The following RELN variants were observed in gnomAD, a reference collection of about 807,000 sequenced individuals.
RELN encodes reelin.
RELN carries 108 observed loss-of-function variants against 427.6 expected under a neutral mutation model. The observed-to-expected ratio is 0.25, with a 90% confidence interval of 0.22 to 0.30. The LOEUF is 0.30. Ranked by LOEUF, RELN falls within the 10% of genes least tolerant of loss-of-function variation. The pLI is 1.00. For missense variants in RELN, 3,715 were observed against 4,302.8 expected (o/e 0.86, Z 3.82); for synonymous variants, 1,524 against 1,513.4 (o/e 1.01, Z -0.16).
intron 2 of RELN, among the ~76,000 whole-genome samples, chr7:103,907,563 T>A (rs73183743): frequency 0.023 from 3,349 of 148,654 alleles, 63 homozygotes; most frequent in Admixed American, 0.047. Flanking sequence ...GAGAAGAGAA[T>A]AGAGAGTGAC....
intron 13 of RELN, 130 bp from the exon 14 acceptor site, chr7:103,652,889 GTGTTGCA>G: frequency 1.3e-6 from 1 of 781,458 alleles, no homozygotes; most frequent in East Asian, 2.6e-5. Context: ...CACGTCCTTT[GTGTTGCA>G]TTTGTTATTT....
At chr7:103,898,675 G>T (rs1417319862) in intron 2 of RELN, among the ~76,000 whole-genome samples, 1 of 151,930 alleles carries the variant, frequency 6.6e-6, no homozygotes, top group African/African-American at 2.4e-5. Context: ...ATTTTTATTA[G>T]CAGTAAGTTG....
intron 20 of RELN, among the ~76,000 whole-genome samples, chr7:103,624,596 T>A (rs1832288286): frequency 6.6e-6 from 1 of 152,042 alleles, no homozygotes; most frequent in African/African-American, 2.4e-5. Context: ...CCTGCTAACT[T>A]TTTGTATTTT....
intron 6 of RELN, among the ~76,000 whole-genome samples, chr7:103,736,869 G>A (rs1790506768): frequency 6.6e-6 from 1 of 152,086 alleles, no homozygotes; most frequent in Admixed American, 6.6e-5. Flanking sequence ...TTCTATTGTA[G>A]ATGAAGCTTT....
In RELN at chr7:103,982,476, A is replaced by G. The variant is rs78620789; in HGVS notation, c.226+6655T>C. 7.8e-3 allele frequency among the ~76,000 whole-genome samples: 1,185 copies of G among 152,288 alleles called. 17 individuals are homozygous for G. The highest frequency in any genetic ancestry group is 0.026 in the African/African-American group (1,097 of 41,532). The stretch of plus-strand genomic sequence containing the variant: ...CAGTAAGAAGAGAAAAAAGGTGTAG[A>G]GATGGCAATGGGGGAAACCTGAAGG... On this transcript the variant is annotated intron_variant, in intron 1 of 64. Coordinates refer to ENST00000428762, the MANE Select transcript of RELN (RefSeq NM_005045.4).
chr7:103,574,412 A>G lies in RELN; in HGVS notation c.4304-113T>C, dbSNP rs2907932. 1.5e-3 allele frequency: 1,347 copies of G among 869,102 alleles called. 9 individuals carry two copies. In the African/African-American group the frequency reaches 0.017, roughly 11 times the overall value. The allele number at this position is 869,102 out of a possible 1,614,324, so 53.8% of individuals were successfully genotyped here. ...CCATAGGGATTAACATTAGGGAGAGAGGCCACATGAAAATTTGTATCTCAC... is the reference window on the plus strand; with the variant it reads ...CCATAGGGATTAACATTAGGGAGAGGGGCCACATGAAAATTTGTATCTCAC... On this transcript the variant is annotated intron_variant, in intron 29 of 64. Coordinates refer to ENST00000428762, the MANE Select transcript of RELN (RefSeq NM_005045.4).
chr7:103,871,882 G>C (rs1288200773), intron 2 of RELN, among the ~76,000 whole-genome samples: 1 of 151,830 alleles, frequency 6.6e-6, no homozygotes, highest in Non-Finnish European at 1.5e-5. Flanking sequence ...AGACCTACCA[G>C]AGATTTTAAA....
intron 2 of RELN, among the ~76,000 whole-genome samples, chr7:103,849,758 A>G (rs773557083): frequency 6.6e-6 from 1 of 152,198 alleles, no homozygotes; most frequent in Non-Finnish European, 1.5e-5. Context: ...ATGGTTTTAC[A>G]TCTTAAAAAT....
intron 11 of RELN, among the ~76,000 whole-genome samples, chr7:103,672,819 C>T (rs11979780): frequency 0.034 from 5,154 of 152,150 alleles, 285 homozygotes; most frequent in African/African-American, 0.12. Context: ...TTTTGAATAA[C>T]AACTAATTTT....
intron 3 of RELN, among the ~76,000 whole-genome samples, chr7:103,819,492 T>C (rs1792964116): frequency 6.6e-6 from 1 of 152,046 alleles, no homozygotes; most frequent in African/African-American, 2.4e-5. Context: ...AAAAGCTCGA[T>C]TGAGAGTTAC....
At chr7:103,579,242 T>C (rs998274540) in intron 28 of RELN, among the ~76,000 whole-genome samples, 3 of 152,272 alleles carry the variant, frequency 2.0e-5, no homozygotes, top group East Asian at 3.9e-4. Flanking sequence ...TAGGAAGGTA[T>C]AGAAATAATT....
In RELN at chr7:103,652,820, C is replaced by A. The variant is rs1832950625; in HGVS notation, c.1555-61G>T. The A allele has an allele frequency of 2.0e-6, 3 of 1,504,648 alleles. No homozygotes were observed. The Admixed American group carries it at 5.1e-5, about 25-fold the overall frequency. The allele number at this position is 1,504,648 out of a possible 1,614,324, so 93.2% of individuals were successfully genotyped here. On this transcript the variant is annotated intron_variant, in intron 13 of 64. Transcript: ENST00000428762. ...CTTTCTAGGCTAGTCCATGTAAATT[C>A]TCCTAGATTTGACCTAATGAACGCT...
At chr7:103,593,657 T>C in intron 27 of RELN, 25 bp downstream of exon 27, 4 of 1,595,298 alleles carry the variant, frequency 2.5e-6, no homozygotes, top group Non-Finnish European at 3.4e-6. Context: ...TAACTTGCTC[T>C]GGGAAGAAGC....
At chr7:103,839,358 T>C (rs1183041070) in intron 2 of RELN, among the ~76,000 whole-genome samples, 2 of 148,036 alleles carry the variant, frequency 1.4e-5, no homozygotes, top group African/African-American at 2.5e-5. Flanking sequence ...TGCTACACAT[T>C]GTAATTGGCA....
At chr7:103,816,979 G>A (rs1792888708) in intron 3 of RELN, among the ~76,000 whole-genome samples, 1 of 152,022 alleles carries the variant, frequency 6.6e-6, no homozygotes, top group Non-Finnish European at 1.5e-5. Flanking sequence ...AGCCTCCCAA[G>A]TAGCTGGGAC....
intron 46 of RELN, among the ~76,000 whole-genome samples, chr7:103,532,984 C>G (rs1334055016): frequency 6.6e-6 from 1 of 152,154 alleles, no homozygotes; most frequent in East Asian, 1.9e-4. Flanking sequence ...CCTCATAGGC[C>G]TAGCACATAA....
At chr7:103,753,045 A>C (rs1239623671) in intron 5 of RELN, 137 bp downstream of exon 5, 1 of 865,364 alleles carries the variant, frequency 1.2e-6, no homozygotes, top group Non-Finnish European at 1.9e-6. Context: ...ATCCGTACCC[A>C]AGTCCAATTT....
At chr7:103,699,134 G>A (rs1452162533) in intron 9 of RELN, among the ~76,000 whole-genome samples, 1 of 152,072 alleles carries the variant, frequency 6.6e-6, no homozygotes, top group Non-Finnish European at 1.5e-5. Context: ...GAAACCTGCT[G>A]TAGTAAAAAT....
intron 4 of RELN, among the ~76,000 whole-genome samples, chr7:103,764,781 A>T (rs1791387313): frequency 6.7e-6 from 1 of 150,134 alleles, no homozygotes; most frequent in African/African-American, 2.5e-5. Context: ...GTTTGCAGTA[A>T]GCCGAGATCG....
Sources: gnomAD v4.1 joint callset for allele counts (sites outside exome capture counted in the v4.1 genomes callset) on GRCh38, gnomAD v4.1.1 for gene constraint, MANE v1.5 for transcripts, NCBI Gene and HGNC (gene_info 2026-07-23, HGNC 2026-07-21) for gene names.